Variants in DLGAP1 observed in about 807,000 individuals in gnomAD.
DLGAP1 encodes the protein disks large-associated protein 1.
A neutral mutation model predicts 90.8 loss-of-function variants in DLGAP1; 11 were observed. The ratio of observed to expected loss-of-function variants is 0.12; its 90% CI spans 0.08 to 0.20. The LOEUF (loss-of-function observed/expected upper bound fraction) is 0.20. DLGAP1 is among the 10% of genes least tolerant of loss of function. DLGAP1 has a pLI of 1.00. For synonymous variants in DLGAP1, 558 were observed against 540.7 expected (o/e 1.03, Z -0.44); for missense variants, 1,050 against 1,333.8 (o/e 0.79, Z 3.31).
intron 4 of DLGAP1, among the ~76,000 whole-genome samples, chr18:3,862,095 C>G (rs1037815643): frequency 5.3e-5 from 8 of 152,164 alleles, no homozygotes; most frequent in Non-Finnish European, 1.2e-4. Flanking sequence ...AAACCAGTAC[C>G]CTGGATAGGC....
chr18:3,610,183 C>G (rs1229513417), intron 7 of DLGAP1, among the ~76,000 whole-genome samples: 1 of 152,184 alleles, frequency 6.6e-6, no homozygotes. Flanking sequence ...AAATATACTT[C>G]TTTGGCATAT....
intron 1 of DLGAP1, among the ~76,000 whole-genome samples, chr18:4,255,690 A>G (rs2078874911): frequency 2.0e-5 from 3 of 152,126 alleles, no homozygotes; most frequent in Admixed American, 1.3e-4. Flanking sequence ...ATCTCCACAT[A>G]TGTCAGGTCT....
At chr18:3,614,658 T>C (rs900099784) in intron 7 of DLGAP1, among the ~76,000 whole-genome samples, 1 of 122,440 alleles carries the variant, frequency 8.2e-6, no homozygotes, top group Non-Finnish European at 1.6e-5. Context: ...CTGACCAACA[T>C]GGAGAAACCC....
chr18:3,719,274 A>G (rs1190948042), intron 7 of DLGAP1, among the ~76,000 whole-genome samples: 1 of 151,970 alleles, frequency 6.6e-6, no homozygotes, highest in Non-Finnish European at 1.5e-5. Context: ...TGATAAAATT[A>G]TGGACTATTT....
At chr18:3,692,205 A>C (rs2060920332) in intron 7 of DLGAP1, among the ~76,000 whole-genome samples, 1 of 152,218 alleles carries the variant, frequency 6.6e-6, no homozygotes, top group Non-Finnish European at 1.5e-5. Context: ...GTAACTTAGC[A>C]CAAGATCAAA....
At chr18:4,442,461 T>A (rs1254547836) in intron 1 of DLGAP1, among the ~76,000 whole-genome samples, 2 of 152,218 alleles carry the variant, frequency 1.3e-5, no homozygotes, top group African/African-American at 4.8e-5. Context: ...CGCCCTATGC[T>A]ACAATTAATA....
chr18:4,089,984 G>A (rs1043244779), intron 2 of DLGAP1, among the ~76,000 whole-genome samples: 1 of 152,162 alleles, frequency 6.6e-6, no homozygotes, highest in African/African-American at 2.4e-5. Flanking sequence ...GGCGGAGTTT[G>A]CAGTGAGCCA....
chr18:3,501,699 A>G (rs1405576211), intron 12 of DLGAP1, among the ~76,000 whole-genome samples: 1 of 152,198 alleles, frequency 6.6e-6, no homozygotes, highest in African/African-American at 2.4e-5. Flanking sequence ...TCAGAGGTTG[A>G]TTCTCTTGGA....
chr18:3,762,383 G>A (rs961772418), intron 5 of DLGAP1, among the ~76,000 whole-genome samples: 1 of 152,202 alleles, frequency 6.6e-6, no homozygotes, highest in East Asian at 1.9e-4. Context: ...CTTAGGAAGG[G>A]ATGTAAGTAG....
At chr18:3,546,515 A>G (rs1213033048) in intron 9 of DLGAP1, among the ~76,000 whole-genome samples, 1 of 152,122 alleles carries the variant, frequency 6.6e-6, no homozygotes, top group Non-Finnish European at 1.5e-5. Flanking sequence ...AAGTTTCGAT[A>G]AATTTTCAAG....
intron 7 of DLGAP1, among the ~76,000 whole-genome samples, chr18:3,631,477 G>A (rs1286051516): frequency 6.6e-6 from 1 of 152,042 alleles, no homozygotes; most frequent in Non-Finnish European, 1.5e-5. Context: ...GACAGTTGTG[G>A]TGGCTCATGT....
chr18:4,127,368 C>T (rs1476202953), intron 2 of DLGAP1, among the ~76,000 whole-genome samples: 2 of 152,070 alleles, frequency 1.3e-5, no homozygotes, highest in African/African-American at 2.4e-5. Flanking sequence ...GTATTGACTA[C>T]TTGCATTTTT....
chr18:3,893,316 C>T (rs1000762863), intron 3 of DLGAP1, among the ~76,000 whole-genome samples: 2 of 151,994 alleles, frequency 1.3e-5, no homozygotes, highest in African/African-American at 4.8e-5. Context: ...GTGGCTCATG[C>T]CTGTAATTCC....
At chr18:4,323,588 A>G (rs1327252452) in intron 1 of DLGAP1, among the ~76,000 whole-genome samples, 1 of 152,204 alleles carries the variant, frequency 6.6e-6, no homozygotes, top group African/African-American at 2.4e-5. Context: ...TTCATGGCAC[A>G]TACTCTGAAA....
intron 2 of DLGAP1, among the ~76,000 whole-genome samples, chr18:4,036,857 T>G (rs2074896787): frequency 6.6e-6 from 1 of 152,176 alleles, no homozygotes; most frequent in African/African-American, 2.4e-5. Flanking sequence ...AGGATAAGTA[T>G]TCAATAAACA....
At chr18:4,338,720 T>C (rs1232624387) in intron 1 of DLGAP1, among the ~76,000 whole-genome samples, 3 of 152,224 alleles carry the variant, frequency 2.0e-5, no homozygotes, top group East Asian at 1.9e-4. Context: ...AGCAAGGAGC[T>C]GCTTGTTTCT....
intron 2 of DLGAP1, among the ~76,000 whole-genome samples, chr18:4,031,639 G>A (rs991462738): frequency 2.0e-5 from 3 of 152,172 alleles, no homozygotes; most frequent in Non-Finnish European, 2.9e-5. Context: ...TCAGTAAGGT[G>A]CATGAAAGAG....
intron 1 of DLGAP1, among the ~76,000 whole-genome samples, chr18:4,160,400 T>C (rs975997207): frequency 2.6e-4 from 40 of 152,192 alleles, no homozygotes; most frequent in African/African-American, 9.4e-4. Context: ...TTTCAGTTTT[T>C]CCCCCTCTGT....
Position 4,315,372 on chromosome 18 carries a change from G to T in DLGAP1, c.-267+139634C>A, listed in dbSNP as rs747927114. On this transcript the variant is annotated intron_variant, in intron 1 of 12. Transcript: ENST00000315677. Reference sequence around the variant, plus strand: ...TGTTATTATCTAGATATTTTGGAAAGAATTAAATGCTTGCTTGCCACAGCA... The same window carrying T: ...TGTTATTATCTAGATATTTTGGAAATAATTAAATGCTTGCTTGCCACAGCA... 5.3e-5 allele frequency among the ~76,000 whole-genome samples: 8 copies of T among 152,198 alleles called. No homozygotes were observed. In the South Asian group the frequency reaches 1.7e-3, roughly 31 times the overall value.
Sources: gnomAD v4.1 joint callset for allele counts (sites outside exome capture counted in the v4.1 genomes callset) on GRCh38, gnomAD v4.1.1 for gene constraint, MANE v1.5 for transcripts, NCBI Gene and HGNC (gene_info 2026-07-23, HGNC 2026-07-21) for gene names.